TMEM117: variants seen among roughly 807,000 people sequenced by gnomAD.
TMEM117 encodes transmembrane protein 117.
A neutral mutation model predicts 52.4 loss-of-function variants in TMEM117; 27 were observed. The ratio of observed to expected loss-of-function variants is 0.51; its 90% CI spans 0.38 to 0.71. The LOEUF is 0.71. Ranked by LOEUF, TMEM117 falls within the 30% of genes least tolerant of loss-of-function variation. The pLI is 0.00. For missense variants in TMEM117, 556 were observed against 630.5 expected (o/e 0.88, Z 1.26); for synonymous variants, 215 against 206.3 (o/e 1.04, Z -0.36).
chr12:44,381,426 A>G (rs1002687202), intron 7 of TMEM117, among the ~76,000 whole-genome samples: 11 of 152,290 alleles, frequency 7.2e-5, no homozygotes, highest in Admixed American at 5.9e-4. Flanking sequence ...CTCTCAATTC[A>G]GTCTCGGAAG....
At chr12:44,327,743 C>G (rs1247755398) in intron 6 of TMEM117, among the ~76,000 whole-genome samples, 1 of 151,924 alleles carries the variant, frequency 6.6e-6, no homozygotes, top group Admixed American at 6.6e-5. Flanking sequence ...CAATCAGTTA[C>G]TCAGGTGTAT....
At chr12:43,876,589 A>C (rs888803756) in intron 2 of TMEM117, among the ~76,000 whole-genome samples, 1 of 152,180 alleles carries the variant, frequency 6.6e-6, no homozygotes. Context: ...ACAATTTCAA[A>C]TATTTTTTGA....
chr12:43,984,173 G>A (rs376488434), intron 3 of TMEM117, among the ~76,000 whole-genome samples: 1 of 152,062 alleles, frequency 6.6e-6, no homozygotes, highest in East Asian at 1.9e-4. Flanking sequence ...TTTGAGGCCA[G>A]CCTGGCCAAC....
intron 6 of TMEM117, among the ~76,000 whole-genome samples, chr12:44,348,593 G>T (rs1485763831): frequency 6.6e-6 from 1 of 151,938 alleles, no homozygotes; most frequent in African/African-American, 2.4e-5. Context: ...AAAACATTTT[G>T]TGTTTATAGC....
At chr12:44,161,281 T>C (rs2031916705) in intron 4 of TMEM117, among the ~76,000 whole-genome samples, 3 of 152,234 alleles carry the variant, frequency 2.0e-5, no homozygotes. Flanking sequence ...ACCTATCATA[T>C]TAATAATGGA....
At chr12:44,292,424 T>A (rs1282659078) in intron 5 of TMEM117, among the ~76,000 whole-genome samples, 1 of 152,046 alleles carries the variant, frequency 6.6e-6, no homozygotes, top group Non-Finnish European at 1.5e-5. Flanking sequence ...TGTTGGTATT[T>A]CATTGTTTTA....
intron 4 of TMEM117, among the ~76,000 whole-genome samples, chr12:44,182,514 A>G (rs1949217056): frequency 6.6e-6 from 1 of 152,204 alleles, no homozygotes; most frequent in African/African-American, 2.4e-5. Flanking sequence ...GCTTCATGCT[A>G]AAAACTCTCA....
At chr12:43,878,577 A>G (rs753046376) in intron 2 of TMEM117, among the ~76,000 whole-genome samples, 1 of 152,248 alleles carries the variant, frequency 6.6e-6, no homozygotes, top group Admixed American at 6.5e-5. Flanking sequence ...GGTGACAACA[A>G]TAGGTTGTAG....
chr12:44,116,870 G>T (rs1334161035), intron 3 of TMEM117, among the ~76,000 whole-genome samples: 1 of 152,086 alleles, frequency 6.6e-6, no homozygotes, highest in African/African-American at 2.4e-5. Flanking sequence ...CCTTAGTTAG[G>T]CTCTTGTCTT....
At position 43,853,129 on chromosome 12, in the gene TMEM117, C is replaced by T. The variant is rs569202390; in HGVS notation, c.277+8201C>T. On this transcript the variant is annotated intron_variant, in intron 2 of 7. Coordinates refer to ENST00000266534, the MANE Select transcript of TMEM117 (RefSeq NM_032256.3). ...TAATGTCTGATTTCCCAGCTATACC[C>T]GAAACTCTATGAGTGAGAGATTATG... Among the ~76,000 whole-genome samples the T allele has an allele frequency of 3.3e-5, 5 of 152,264 alleles. No individual in the cohort carries two copies. The South Asian group carries it at 8.3e-4, about 25-fold the overall frequency.
downstream of TMEM117, among the ~76,000 whole-genome samples, chr12:44,390,977 A>G (rs1425209086): frequency 6.6e-6 from 1 of 152,156 alleles, no homozygotes; most frequent in Non-Finnish European, 1.5e-5. Flanking sequence ...AGGACATTTT[A>G]AAAAGAGATG....
At chr12:44,053,261 A>G (rs1016614511) in intron 3 of TMEM117, among the ~76,000 whole-genome samples, 2 of 152,184 alleles carry the variant, frequency 1.3e-5, no homozygotes, top group Admixed American at 6.5e-5. Context: ...ATTTGTTAGA[A>G]TTGATTCAAG....
chr12:43,850,367 TTTGA>T lies in TMEM117; in HGVS notation c.277+5445_277+5448del, dbSNP rs201296137. Among the ~76,000 whole-genome samples, 1,324 of 152,320 alleles carry T rather than the reference TTTGA, an allele frequency of 8.7e-3. 36 individuals are homozygous for T. The highest frequency in any genetic ancestry group is 0.066 in the East Asian group (343 of 5,186). ...ACCAACAGAATAAAAGCTAAACTCC[TTTGA>T]TTGATATCCGAAGCTATTTATGATC... is the stretch of plus-strand genomic sequence containing the variant. On this transcript the variant is annotated intron_variant, in intron 2 of 7. Transcript: ENST00000266534.
Position 43,943,155 on chromosome 12 carries a change from C to A in TMEM117, c.278-1055C>A, listed in dbSNP as rs181259377. Among the ~76,000 whole-genome samples the A allele has an allele frequency of 4.5e-3, 484 of 107,056 alleles. 2 individuals carry two copies. Among genetic ancestry groups the A allele is most frequent in the African/African-American group, 0.017 (465 of 27,470 alleles). 70.2% of individuals were successfully genotyped at this position (107,056 alleles called of 152,430 possible). On this transcript the variant is annotated intron_variant, in intron 2 of 7. Coordinates refer to ENST00000266534, the MANE Select transcript of TMEM117 (RefSeq NM_032256.3). Reference sequence around the variant, plus strand: ...ATCACGCCACTGCACTCCAGCCCAGCAACAGAGCAAGACTCTGTCTCAAAA... The same window carrying A: ...ATCACGCCACTGCACTCCAGCCCAGAAACAGAGCAAGACTCTGTCTCAAAA...
rs781312092 is a variant in TMEM117, at chr12:44,027,132, ATATTTTATTTTATTTTATTT to A, written c.410+82838_410+82857del. Reference sequence around the variant, plus strand: ...TTATTTTATCTTATTATTTTATTTTATATTTTATTTTATTTTATTTTATTTTATTTTATTTTATTTTATTT... The same window carrying A: ...TTATTTTATCTTATTATTTTATTTTATATTTTATTTTATTTTATTTTATTT... On this transcript the variant is annotated intron_variant, in intron 3 of 7. Transcript: ENST00000266534. Among the ~76,000 whole-genome samples the A allele has an allele frequency of 6.5e-3, 676 of 104,082 alleles. 6 individuals carry two copies. Among genetic ancestry groups the A allele is most frequent in the Middle Eastern group, 0.042 (9 of 212 alleles). The allele number at this position is 104,082 out of a possible 152,430, so 68.3% of individuals were successfully genotyped here.
chr12:43,845,903 T>C (rs1048431474), intron 2 of TMEM117, among the ~76,000 whole-genome samples: 36 of 152,208 alleles, frequency 2.4e-4, no homozygotes, highest in Non-Finnish European at 4.4e-4. Context: ...TAGTATTCCA[T>C]GGTGATATAT....
chr12:44,301,871 C>T (rs1767986820), intron 6 of TMEM117, among the ~76,000 whole-genome samples: 1 of 152,116 alleles, frequency 6.6e-6, no homozygotes, highest in Admixed American at 6.5e-5. Flanking sequence ...ATGGGCTCAG[C>T]ATGGGAGGCT....
chr12:44,266,796 T>G (rs930534970), intron 5 of TMEM117, among the ~76,000 whole-genome samples: 1 of 152,158 alleles, frequency 6.6e-6, no homozygotes, highest in African/African-American at 2.4e-5. Flanking sequence ...ATATATGGTA[T>G]AGGATAGTAT....
At chr12:44,151,717 G>A (rs1164530269) in intron 4 of TMEM117, among the ~76,000 whole-genome samples, 2 of 150,050 alleles carry the variant, frequency 1.3e-5, no homozygotes, top group Non-Finnish European at 3.0e-5. Flanking sequence ...GAAAAAAGAA[G>A]CTATGTGCTT....
Sources: gnomAD v4.1 joint callset for allele counts (sites outside exome capture counted in the v4.1 genomes callset) on GRCh38, gnomAD v4.1.1 for gene constraint, MANE v1.5 for transcripts, NCBI Gene and HGNC (gene_info 2026-07-23, HGNC 2026-07-21) for gene names.